Variants in RIPOR2 observed in about 807,000 individuals in gnomAD.
RIPOR2 encodes RHO family interacting cell polarization regulator 2.
Under a neutral mutation model 114.5 loss-of-function variants are expected in RIPOR2, and 39 were observed. The observed-to-expected ratio is 0.34, with a 90% CI of 0.26 to 0.44. The LOEUF (loss-of-function observed/expected upper bound fraction) is 0.44, where lower values mean the gene tolerates loss of function less well. Among genes scored for constraint, RIPOR2 ranks in the 20% least tolerant of loss-of-function variants. The pLI is 1.00. For missense variants in RIPOR2, 1,007 were observed against 1,255.1 expected (o/e 0.80, Z 2.99); for synonymous variants, 445 against 484.4 (o/e 0.92, Z 1.07).
At chr6:25,035,896 T>C (rs1260042349) in intron 1 of RIPOR2, among the ~76,000 whole-genome samples, 1 of 152,230 alleles carries the variant, frequency 6.6e-6, no homozygotes, top group Admixed American at 6.5e-5. Flanking sequence ...CAGTGGTATT[T>C]AGAAGAAAAT....
chr6:25,011,852 G>GTC (rs1561842384), intron 1 of RIPOR2, among the ~76,000 whole-genome samples: 1 of 152,056 alleles, frequency 6.6e-6, no homozygotes, highest in Non-Finnish European at 1.5e-5. Context: ...CAGTAAAAGC[G>GTC]TAAGTGACAA....
intron 7 of RIPOR2, 78 bp downstream of exon 7, chr6:24,865,223 C>T (rs915848373): frequency 7.7e-7 from 1 of 1,291,678 alleles, no homozygotes; most frequent in Non-Finnish European, 1.1e-6. Flanking sequence ...TTGCTGTTTG[C>T]CTTGTTCTTG....
rs10564019 is a variant in RIPOR2 at position 25,022,532 on chromosome 6, A to ATTTTTTTTTTT, written c.76+19308_76+19318dup. 3.4e-4 allele frequency among the ~76,000 whole-genome samples: 14 copies of ATTTTTTTTTTT among 40,988 alleles called. 1 individual carries two copies. The highest frequency in any genetic ancestry group is 1.1e-3 in the African/African-American group (14 of 12,764). 26.9% of individuals were successfully genotyped at this position (40,988 alleles called of 152,430 possible). A position where few individuals can be genotyped will look rare whatever the true frequency, so the allele number is the denominator to read the frequency against. On this transcript the variant is annotated intron_variant, in intron 1 of 13. Transcript: ENST00000510784. ...ACATATAACTAATGTGGTACCTTCC[A>ATTTTTTTTTTT]TTTTTTTTTTTTTTTTTTTTTTTTT...
chr6:25,023,699 C>T (rs1776445340), intron 1 of RIPOR2: 2 of 765,934 alleles, frequency 2.6e-6, no homozygotes, highest in African/African-American at 1.7e-5. Flanking sequence ...GATGTCAGTA[C>T]AGCCCACACC....
intron 1 of RIPOR2, among the ~76,000 whole-genome samples, chr6:24,887,902 G>A (rs1427340427): frequency 2.6e-5 from 4 of 152,114 alleles, no homozygotes; most frequent in Non-Finnish European, 2.9e-5. Flanking sequence ...CATAAAACTC[G>A]CCTAAGTCTA....
intron 1 of RIPOR2, among the ~76,000 whole-genome samples, chr6:24,929,829 T>C (rs1393022054): frequency 6.6e-6 from 1 of 152,108 alleles, no homozygotes; most frequent in Non-Finnish European, 1.5e-5. Context: ...ATCCCAGCAC[T>C]TGGAGAGGCC....
chr6:24,843,084 C>A lies in RIPOR2; in HGVS notation c.1635G>T (p.Gln545His), dbSNP rs749225378. The change falls in exon 13 of 22, where the codon CAG (glutamine) becomes CAT (histidine). Residue 545 changes from glutamine to histidine, a missense_variant. Coordinates refer to ENST00000643898, the MANE Select transcript of RIPOR2 (RefSeq NM_001286445.3). ...LDTSEGNITKQLVKRLTSAEV... is the reference protein window; with the variant it reads ...LDTSEGNITKHLVKRLTSAEV... ...CTGCAGATGTGAGCCTCTTGACCAG[C>A]TGCTTTGTGATGTTTCCTTCCGAAG... 4.3e-6 allele frequency: 7 copies of A among 1,613,870 alleles called. No homozygotes were observed. In the Admixed American group the frequency reaches 1.2e-4, roughly 27 times the overall value.
chr6:24,864,920 A>G (rs1764429122), intron 7 of RIPOR2, among the ~76,000 whole-genome samples: 1 of 152,206 alleles, frequency 6.6e-6, no homozygotes, highest in South Asian at 2.1e-4. Context: ...TTTAAATGAC[A>G]CAAATCAGGG....
chr6:24,877,441 G>T, intron 1 of RIPOR2: 1 of 688,532 alleles, frequency 1.5e-6, no homozygotes, highest in Non-Finnish European at 1.8e-6. Flanking sequence ...CATACTAGCT[G>T]GGGAGGAGCA....
chr6:24,835,897 C>T, intron 14 of RIPOR2, 26 bp from the exon 15 acceptor site: 1 of 1,549,944 alleles, frequency 6.5e-7, no homozygotes, highest in Admixed American at 2.0e-5. Flanking sequence ...AAAACATTAG[C>T]TATTCTTTTT....
At chr6:24,977,972 A>G (rs186597252) in intron 1 of RIPOR2, among the ~76,000 whole-genome samples, 1 of 152,344 alleles carries the variant, frequency 6.6e-6, no homozygotes, top group Admixed American at 6.5e-5. Context: ...AGGTGTTTAT[A>G]TTGAAATGAG....
At chr6:24,939,321 G>T (rs963017210), upstream of RIPOR2, among the ~76,000 whole-genome samples, 1 of 152,172 alleles carries the variant, frequency 6.6e-6, no homozygotes, top group East Asian at 1.9e-4. Flanking sequence ...GAAGTGACTA[G>T]ACAAAGGAGG....
intron 1 of RIPOR2, chr6:24,948,041 C>A (rs945123956): frequency 5.3e-5 from 8 of 152,082 alleles, no homozygotes; most frequent in Non-Finnish European, 1.2e-4. Context: ...CCTAAAAAAT[C>A]GAGACTGTCT....
At position 24,843,521 on chromosome 6, in the gene RIPOR2, T is replaced by C. The variant is rs376878585; in HGVS notation, c.1198A>G (p.Lys400Glu). 144 of 1,530,670 alleles carry C rather than the reference T, an allele frequency of 9.4e-5. No homozygotes were observed. Among genetic ancestry groups the C allele is most frequent in the Non-Finnish European group, 1.2e-4 (140 of 1,138,214 alleles). 94.8% of individuals were successfully genotyped at this position (1,530,670 alleles called of 1,614,324 possible). The part of the protein sequence containing the change: ...NLPDDIFENG[K>E]AAEEKMPLSL... ...AGTGGCATTTTCTCCTCGGCTGCCT[T>C]TCCATTTTCAAAGATGTCATCAGGT... Residue 400 changes from lysine (K) to glutamate (E), a missense_variant, in exon 13 of 22, where the codon AAG becomes GAG. Coordinates refer to ENST00000643898, the MANE Select transcript of RIPOR2 (RefSeq NM_001286445.3).
chr6:25,023,994 C>A, intron 1 of RIPOR2: 1 of 743,256 alleles, frequency 1.3e-6, no homozygotes. Flanking sequence ...GAATCCCGTG[C>A]TGCTTTGCGT....
intron 9 of RIPOR2, among the ~76,000 whole-genome samples, chr6:24,852,112 A>G (rs1763013488): frequency 6.6e-6 from 1 of 152,074 alleles, no homozygotes; most frequent in Non-Finnish European, 1.5e-5. Flanking sequence ...ATACAAAAAA[A>G]TTAGCCGGCT....
chr6:24,972,549 G>A (rs1773833741), intron 1 of RIPOR2, among the ~76,000 whole-genome samples: 1 of 152,130 alleles, frequency 6.6e-6, no homozygotes, highest in Non-Finnish European at 1.5e-5. Context: ...ATACAACAGA[G>A]GTTTTCAGAT....
In RIPOR2 at chr6:24,804,927, T is replaced by C. The variant is rs977660382; in HGVS notation, c.*1446A>G. 2.0e-5 allele frequency: 3 copies of C among 152,230 alleles called. No individual in the cohort carries two copies. Among genetic ancestry groups the C allele is most frequent in the Non-Finnish European group, 4.4e-5 (3 of 68,034 alleles). The allele number at this position is 152,230 out of a possible 1,614,324, so 9.4% of individuals were successfully genotyped here. A position where few individuals can be genotyped will look rare whatever the true frequency, so the allele number is the denominator to read the frequency against. The stretch of plus-strand genomic sequence containing the variant: ...TTGCTTAATGAACTTGCATCTCTGA[T>C]ACTGAAGCAATAATGGGACCTGATG... On this transcript the variant is annotated 3_prime_UTR_variant, in exon 22 of 22. Transcript: ENST00000643898.
intron 13 of RIPOR2, 139 bp from the exon 14 acceptor site, chr6:24,839,411 T>C: frequency 7.0e-7 from 1 of 1,432,254 alleles, no homozygotes; most frequent in Non-Finnish European, 9.2e-7. Flanking sequence ...AAAATGCATT[T>C]AAAAATCTTT....
Sources: allele counts gnomAD v4.1 joint callset (sites outside exome capture counted in the v4.1 genomes callset), GRCh38; gene constraint gnomAD v4.1.1; transcripts MANE v1.5; gene names NCBI Gene and HGNC (gene_info 2026-07-23, HGNC 2026-07-21).